NXPE4: variants seen among roughly 807,000 people sequenced by gnomAD.
NXPE4 encodes the protein neurexophilin and PC-esterase domain family member 4.
In NXPE4, 42 loss-of-function variants were observed where a neutral mutation model predicts 33.3. The ratio of observed to expected loss-of-function variants is 1.26; its 90% confidence interval spans 0.98 to 1.63. The LOEUF is 1.63. Ranked by LOEUF, NXPE4 falls within the 40% of genes most tolerant of loss-of-function variation. The pLI is 0.00. For missense variants in NXPE4, 709 were observed against 647.6 expected, an observed-to-expected ratio of 1.09 and a Z score of -1.03; for synonymous variants, 253 against 234.9, an observed-to-expected ratio of 1.08 and a Z score of -0.71.
intron 5 of NXPE4, among the ~76,000 whole-genome samples, chr11:114,578,216 G>C (rs1949059667): frequency 6.6e-6 from 1 of 152,104 alleles, no homozygotes; most frequent in Non-Finnish European, 1.5e-5. Context: ...GATGCTGTAG[G>C]GTGAGTTGGA....
chr11:114,629,217 C>A, the NXPE4 span, among the ~76,000 whole-genome samples: 1 of 151,430 alleles, frequency 6.6e-6, no homozygotes, highest in East Asian at 1.9e-4. Flanking sequence ...GAGACACAAC[C>A]AAAAAAGAAT....
At chr11:114,638,822 G>C in the NXPE4 span, among the ~76,000 whole-genome samples, 1 of 152,062 alleles carries the variant, frequency 6.6e-6, no homozygotes, top group South Asian at 2.1e-4. Flanking sequence ...TGTTCCTCTG[G>C]AAGTTTTGTC....
At chr11:114,637,869 C>T in the NXPE4 span, among the ~76,000 whole-genome samples, 2 of 151,912 alleles carry the variant, frequency 1.3e-5, no homozygotes, top group Non-Finnish European at 2.9e-5. Flanking sequence ...GAGGGTAACC[C>T]GACCTTTCTC....
At chr11:114,601,910 A>T in the NXPE4 span, among the ~76,000 whole-genome samples, 1 of 39,046 alleles carries the variant, frequency 2.6e-5, no homozygotes, top group East Asian at 6.0e-4. Context: ...TATATATTAT[A>T]TAATTATATA....
the NXPE4 span, among the ~76,000 whole-genome samples, chr11:114,626,921 G>A: frequency 0.081 from 12,267 of 151,170 alleles, 563 homozygotes; most frequent in Middle Eastern, 0.19. Context: ...GGGTATCAGT[G>A]ATGGAAGATG....
At chr11:114,582,164 T>C in intron 3 of NXPE4, 124 bp downstream of exon 3, 1 of 1,013,586 alleles carries the variant, frequency 9.9e-7, no homozygotes, top group Non-Finnish European at 1.4e-6. Context: ...TCACAGATCC[T>C]TTCCCCAAAG....
the NXPE4 span, among the ~76,000 whole-genome samples, chr11:114,637,160 A>C: frequency 6.6e-6 from 1 of 151,742 alleles, no homozygotes; most frequent in Admixed American, 6.6e-5. Flanking sequence ...TATTGGGTCC[A>C]TATATATTTA....
intron 2 of NXPE4, among the ~76,000 whole-genome samples, chr11:114,588,060 G>T (rs1424056294): frequency 6.6e-6 from 1 of 152,154 alleles, no homozygotes; most frequent in Non-Finnish European, 1.5e-5. Context: ...TGCACAATCA[G>T]CTCAGCTCTT....
chr11:114,571,995 C>T (rs901482733), intron 5 of NXPE4, among the ~76,000 whole-genome samples: 1 of 152,154 alleles, frequency 6.6e-6, no homozygotes, highest in Non-Finnish European at 1.5e-5. Context: ...TCACAGAGTC[C>T]ACTTCACTCC....
chr11:114,571,558 G>T, intron 5 of NXPE4, 85 bp from the exon 6 acceptor site: 5 of 1,192,906 alleles, frequency 4.2e-6, no homozygotes, highest in South Asian at 1.6e-5. Context: ...AGATTTGATT[G>T]GTATAATTAA....
chr11:114,653,025 G>A, the NXPE4 span, among the ~76,000 whole-genome samples: 1 of 152,182 alleles, frequency 6.6e-6, no homozygotes, highest in African/African-American at 2.4e-5. Flanking sequence ...GGGGGGTTCT[G>A]CTGATGTAGA....
the NXPE4 span, among the ~76,000 whole-genome samples, chr11:114,645,909 G>C: frequency 6.2e-4 from 95 of 152,156 alleles, 1 homozygote; most frequent in East Asian, 0.016. Flanking sequence ...CTATCCTTCT[G>C]CTATGAGAGT....
chr11:114,580,494 G>GT (rs970246746), intron 4 of NXPE4, among the ~76,000 whole-genome samples, 156 bp from the exon 5 acceptor site: 2 of 151,994 alleles, frequency 1.3e-5, no homozygotes, highest in African/African-American at 4.8e-5. Context: ...TGGAACAGCT[G>GT]TTTTTTTAAT....
At chr11:114,626,478 A>G in the NXPE4 span, among the ~76,000 whole-genome samples, 1 of 152,208 alleles carries the variant, frequency 6.6e-6, no homozygotes, top group Non-Finnish European at 1.5e-5. Flanking sequence ...GTCTGTTAGA[A>G]GGAAAACTAA....
chr11:114,601,211 C>T, the NXPE4 span, among the ~76,000 whole-genome samples: 2 of 151,026 alleles, frequency 1.3e-5, no homozygotes, highest in African/African-American at 4.8e-5. Flanking sequence ...TACATTTTAC[C>T]CAATAAGTAA....
intron 2 of NXPE4, among the ~76,000 whole-genome samples, chr11:114,591,123 C>T (rs925314601): frequency 2.0e-5 from 3 of 152,206 alleles, no homozygotes; most frequent in East Asian, 3.9e-4. Context: ...AGCAAGAAGT[C>T]CATAAGGCAG....
At chr11:114,632,918 T>G in the NXPE4 span, among the ~76,000 whole-genome samples, 69 of 95,318 alleles carry the variant, frequency 7.2e-4, 1 homozygote, top group African/African-American at 2.9e-3. Flanking sequence ...TATTATATTT[T>G]ATATAATTAT....
At chr11:114,598,440 T>C (rs1470741387), upstream of NXPE4, among the ~76,000 whole-genome samples, 1 of 152,222 alleles carries the variant, frequency 6.6e-6, no homozygotes, top group Non-Finnish European at 1.5e-5. Context: ...CAGCCCCACA[T>C]TGTCCCTCCA....
the NXPE4 span, among the ~76,000 whole-genome samples, chr11:114,602,096 ATATAT>A: frequency 4.3e-4 from 41 of 96,132 alleles, no homozygotes; most frequent in South Asian, 4.0e-3. Context: ...TATATATAAC[ATATAT>A]TATAATATAT....
Sources: gnomAD v4.1 joint callset for allele counts (sites outside exome capture counted in the v4.1 genomes callset) on GRCh38, gnomAD v4.1.1 for gene constraint, MANE v1.5 for transcripts, NCBI Gene and HGNC (gene_info 2026-07-23, HGNC 2026-07-21) for gene names.